Variants in TBC1D22A observed in about 807,000 individuals in gnomAD.
TBC1D22A encodes putative GTPase activator.
In TBC1D22A, 38 loss-of-function variants were observed where a neutral mutation model predicts 60.2. That is an observed-to-expected ratio of 0.63 (90% CI 0.49 to 0.83). The LOEUF (loss-of-function observed/expected upper bound fraction) is 0.83. Among genes scored for constraint, TBC1D22A ranks in the 40% least tolerant of loss-of-function variants. The pLI, the probability that TBC1D22A is intolerant of heterozygous loss-of-function variation, is 0.00. For synonymous variants in TBC1D22A, 302 were observed against 281.7 expected, an observed-to-expected ratio of 1.07 and a Z score of -0.72; for missense variants, 628 against 701.0, an observed-to-expected ratio of 0.90 and a Z score of 1.18.
At chr22:47,168,739 C>T (rs1452265438) in intron 12 of TBC1D22A, among the ~76,000 whole-genome samples, 2 of 117,184 alleles carry the variant, frequency 1.7e-5, no homozygotes, top group East Asian at 2.3e-4. Context: ...GGCTTGTCAC[C>T]GTCTCACCCT....
intron 11 of TBC1D22A, among the ~76,000 whole-genome samples, chr22:47,052,593 C>T (rs2063261553): frequency 6.6e-6 from 1 of 152,186 alleles, no homozygotes; most frequent in South Asian, 2.1e-4. Context: ...GCCAGTGTTG[C>T]ACCAAGCTTC....
chr22:47,070,555 T>G (rs1326148875), intron 11 of TBC1D22A, among the ~76,000 whole-genome samples: 1 of 149,844 alleles, frequency 6.7e-6, no homozygotes, highest in Non-Finnish European at 1.5e-5. Flanking sequence ...TGTTGTTTGG[T>G]TGGACGCTGT....
chr22:46,883,871 A>G (rs1351262998), intron 5 of TBC1D22A, among the ~76,000 whole-genome samples: 2 of 151,836 alleles, frequency 1.3e-5, no homozygotes, highest in African/African-American at 2.4e-5. Flanking sequence ...CTTTCTCTCC[A>G]CCTCTGTCTT....
At chr22:47,020,283 T>G (rs1988768126) in intron 10 of TBC1D22A, among the ~76,000 whole-genome samples, 1 of 152,120 alleles carries the variant, frequency 6.6e-6, no homozygotes, top group Non-Finnish European at 1.5e-5. Flanking sequence ...GGTGGGAGGC[T>G]CTGGGATCAG....
intron 10 of TBC1D22A, among the ~76,000 whole-genome samples, chr22:47,029,418 G>A (rs1331219801): frequency 1.3e-5 from 2 of 152,238 alleles, no homozygotes; most frequent in African/African-American, 4.8e-5. Flanking sequence ...GGTGACCGGG[G>A]TTTCTATTGA....
At chr22:47,042,926 G>A (rs2062898263) in intron 11 of TBC1D22A, among the ~76,000 whole-genome samples, 1 of 152,226 alleles carries the variant, frequency 6.6e-6, no homozygotes, top group Non-Finnish European at 1.5e-5. Context: ...CGCTGGAGGT[G>A]GGGCCTGCAC....
At chr22:46,859,104 G>A in intron 4 of TBC1D22A, among the ~76,000 whole-genome samples, 1 of 139,040 alleles carries the variant, frequency 7.2e-6, no homozygotes. Context: ...CCCCTTCCCG[G>A]GACCAGAATC....
intron 11 of TBC1D22A, among the ~76,000 whole-genome samples, chr22:47,079,625 A>G (rs541835497): frequency 6.6e-6 from 1 of 152,352 alleles, no homozygotes; most frequent in South Asian, 2.1e-4. Context: ...GACCACTAGC[A>G]AAATAAAACA....
chr22:47,044,197 C>T (rs141809827), intron 11 of TBC1D22A, among the ~76,000 whole-genome samples: 2,048 of 152,316 alleles, frequency 0.013, 17 homozygotes, highest in Middle Eastern at 0.034. Context: ...TGCCTCTGTC[C>T]GGTGCCGTGC....
intron 9 of TBC1D22A, among the ~76,000 whole-genome samples, chr22:46,988,011 T>C (rs1602835354): frequency 6.6e-6 from 1 of 152,132 alleles, no homozygotes; most frequent in East Asian, 1.9e-4. Context: ...TCACAGCATC[T>C]TCATCAGGAA....
chr22:46,858,720 C>T (rs2087705086), intron 4 of TBC1D22A, among the ~76,000 whole-genome samples: 2 of 152,164 alleles, frequency 1.3e-5, no homozygotes, highest in African/African-American at 4.8e-5. Context: ...GAGGCGGCCT[C>T]AACCATTCCA....
Position 46,997,559 on chromosome 22 carries a change from C to T in TBC1D22A, c.1126-75C>T, listed in dbSNP as rs1217417356. On this transcript the variant is annotated intron_variant, in intron 9 of 12. Coordinates refer to ENST00000337137, the MANE Select transcript of TBC1D22A (RefSeq NM_014346.5). ...TATTATAAAGCTGTTCACTTTATCC[C>T]AGCTGCCTTTTTCCCTTTTGGAAAG... The T allele has an allele frequency of 4.1e-6, 5 of 1,205,828 alleles. No homozygotes were observed. In the Admixed American group the frequency reaches 7.1e-5, roughly 17 times the overall value. 74.7% of individuals were successfully genotyped at this position (1,205,828 alleles called of 1,614,324 possible).
intron 7 of TBC1D22A, among the ~76,000 whole-genome samples, chr22:46,895,968 C>T (rs576349650): frequency 6.6e-6 from 1 of 152,270 alleles, no homozygotes; most frequent in Admixed American, 6.5e-5. Context: ...CGGCCGCTAC[C>T]AAATAAACTG....
intron 4 of TBC1D22A, among the ~76,000 whole-genome samples, chr22:46,825,815 G>A (rs1380939451): frequency 1.3e-5 from 2 of 151,636 alleles, no homozygotes; most frequent in Non-Finnish European, 2.9e-5. Context: ...CTCACATATT[G>A]CATATGTAAT....
chr22:47,050,477 T>C (rs2063172733), intron 11 of TBC1D22A, among the ~76,000 whole-genome samples: 1 of 152,252 alleles, frequency 6.6e-6, no homozygotes, highest in South Asian at 2.1e-4. Flanking sequence ...CTCTGTTTTT[T>C]AGGTAACCTT....
intron 10 of TBC1D22A, among the ~76,000 whole-genome samples, chr22:47,034,267 C>A (rs147478723): frequency 6.6e-6 from 1 of 152,058 alleles, no homozygotes; most frequent in African/African-American, 2.4e-5. Context: ...GGGTGTCCTG[C>A]GTGAGCCACT....
intron 8 of TBC1D22A, among the ~76,000 whole-genome samples, chr22:46,917,744 G>A (rs1172780554): frequency 6.6e-6 from 1 of 152,108 alleles, no homozygotes; most frequent in Non-Finnish European, 1.5e-5. Context: ...TGTGTGTCTG[G>A]GGAGAGTGGA....
intron 4 of TBC1D22A, among the ~76,000 whole-genome samples, chr22:46,816,925 C>T (rs1012547567): frequency 2.0e-5 from 3 of 152,184 alleles, no homozygotes; most frequent in Non-Finnish European, 2.9e-5. Context: ...CCCTAATTAT[C>T]AGATCTTAAC....
At chr22:46,898,490 CAG>C (rs1224908496) in intron 7 of TBC1D22A, among the ~76,000 whole-genome samples, 29 of 151,772 alleles carry the variant, frequency 1.9e-4, no homozygotes, top group Non-Finnish European at 2.9e-4. Flanking sequence ...ATGAGGGAGA[CAG>C]AGAAAAACAT....
Sources: gnomAD v4.1 joint callset for allele counts (sites outside exome capture counted in the v4.1 genomes callset) on GRCh38, gnomAD v4.1.1 for gene constraint, MANE v1.5 for transcripts, NCBI Gene and HGNC (gene_info 2026-07-23, HGNC 2026-07-21) for gene names.